The following AEBP2 variants were observed in gnomAD, a reference collection of about 807,000 sequenced individuals.
AEBP2 encodes the protein AE binding protein 2, also known as zinc finger protein AEBP2.
A neutral mutation model predicts 50.8 loss-of-function variants in AEBP2; 10 were observed. The ratio of observed to expected loss-of-function variants is 0.20; its 90% CI spans 0.12 to 0.33. The LOEUF (loss-of-function observed/expected upper bound fraction) is 0.33. AEBP2 is among the 10% of genes least tolerant of loss of function. The pLI, the probability that AEBP2 is intolerant of heterozygous loss-of-function variation, is 1.00. For synonymous variants in AEBP2, 296 were observed against 261.3 expected, an observed-to-expected ratio of 1.13 and a Z score of -1.28; for missense variants, 570 against 688.0, an observed-to-expected ratio of 0.83 and a Z score of 1.92.
intron 1 of AEBP2, among the ~76,000 whole-genome samples, chr12:19,409,541 G>T (rs2095738180): frequency 1.3e-5 from 2 of 152,188 alleles, no homozygotes; most frequent in Admixed American, 6.6e-5. Flanking sequence ...GATTTGTTCA[G>T]CAAGGGAAGA....
At chr12:19,490,027 G>T (rs1419208894) in intron 3 of AEBP2, among the ~76,000 whole-genome samples, 2 of 138,730 alleles carry the variant, frequency 1.4e-5, no homozygotes, top group African/African-American at 5.4e-5. Flanking sequence ...CATGGGGGAG[G>T]TTAGAGATGG....
chr12:19,463,978 A>G (rs1224243277), intron 2 of AEBP2, among the ~76,000 whole-genome samples: 1 of 152,116 alleles, frequency 6.6e-6, no homozygotes. Flanking sequence ...AATTTCTTTT[A>G]AGACATATTC....
chr12:19,505,135 G>A (rs1949136488), intron 5 of AEBP2, among the ~76,000 whole-genome samples: 1 of 152,222 alleles, frequency 6.6e-6, no homozygotes, highest in African/African-American at 2.4e-5. Flanking sequence ...TGGGGACTTT[G>A]TGGGGATTCA....
chr12:19,439,825 G>A lies in AEBP2; in HGVS notation c.126G>A (p.Glu42=). Residue 42 remains glutamate, a synonymous_variant, in exon 1 of 8, where the codon GAG becomes GAA. Transcript: ENST00000266508. ...RAEPPEEEEE[E]EEEEEEAEAE... is the part of the protein sequence containing the mutation. The stretch of plus-strand genomic sequence containing the variant: ...AGCCCCCCGAGGAGGAGGAGGAAGA[G>A]GAGGAGGAGGAAGAGGAGGCGGAGG... The A allele has an allele frequency of 1.3e-6, 2 of 1,499,562 alleles. No homozygotes were observed. Among genetic ancestry groups the A allele is most frequent in the Non-Finnish European group, 1.8e-6 (2 of 1,132,082 alleles). The allele number at this position is 1,499,562 out of a possible 1,614,324, so 92.9% of individuals were successfully genotyped here. A position where few individuals can be genotyped will look rare whatever the true frequency, so the allele number is the denominator to read the frequency against.
At chr12:19,425,419 G>T (rs567991338) in intron 1 of AEBP2, among the ~76,000 whole-genome samples, 1 of 152,046 alleles carries the variant, frequency 6.6e-6, no homozygotes, top group Non-Finnish European at 1.5e-5. Context: ...GGCCAGGCAC[G>T]GTGGCTCATG....
At chr12:19,452,358 C>T (rs1487207291) in intron 1 of AEBP2, among the ~76,000 whole-genome samples, 1 of 152,172 alleles carries the variant, frequency 6.6e-6, no homozygotes, top group Non-Finnish European at 1.5e-5. Flanking sequence ...GGATATATAG[C>T]AAATGCTGTG....
chr12:19,498,279 T>A (rs1565732125), intron 4 of AEBP2, among the ~76,000 whole-genome samples: 1 of 152,210 alleles, frequency 6.6e-6, no homozygotes, highest in South Asian at 2.1e-4. Flanking sequence ...GATGTATTTC[T>A]CAGAACTCTC....
chr12:19,432,658 C>T (rs921070484), intron 1 of AEBP2, among the ~76,000 whole-genome samples: 4 of 152,010 alleles, frequency 2.6e-5, no homozygotes, highest in African/African-American at 7.2e-5. Flanking sequence ...TGCGTCACTG[C>T]ACTCCAGCCT....
intron 1 of AEBP2, among the ~76,000 whole-genome samples, chr12:19,410,492 G>A (rs939436334): frequency 6.6e-6 from 1 of 152,160 alleles, no homozygotes; most frequent in Admixed American, 6.6e-5. Flanking sequence ...ATTGCGTCTG[G>A]CCCTTTATAG....
At chr12:19,513,941 A>C (rs935822383) in intron 6 of AEBP2, among the ~76,000 whole-genome samples, 42 of 70,606 alleles carry the variant, frequency 5.9e-4, no homozygotes, top group Admixed American at 1.4e-3. Context: ...GTTTTTATTT[A>C]TTTCTTTTTT....
At chr12:19,512,775 C>T (rs1004243367) in intron 6 of AEBP2, among the ~76,000 whole-genome samples, 2 of 151,880 alleles carry the variant, frequency 1.3e-5, no homozygotes, top group African/African-American at 4.8e-5. Flanking sequence ...TGGTAAAACC[C>T]TGTCTCTACT....
chr12:19,496,042 C>CT (rs1430819372), intron 4 of AEBP2, among the ~76,000 whole-genome samples: 1 of 152,106 alleles, frequency 6.6e-6, no homozygotes, highest in Non-Finnish European at 1.5e-5. Context: ...AACCAGATGA[C>CT]TTTTCCACCA....
intron 4 of AEBP2, among the ~76,000 whole-genome samples, chr12:19,497,324 A>T (rs1457927079): frequency 2.0e-5 from 2 of 100,738 alleles, no homozygotes; most frequent in East Asian, 3.9e-4. Flanking sequence ...TGGTTTCCAA[A>T]GGTGTTTTTT....
intron 1 of AEBP2, among the ~76,000 whole-genome samples, chr12:19,413,894 T>G (rs1219659296): frequency 6.6e-6 from 1 of 151,598 alleles, no homozygotes; most frequent in Non-Finnish European, 1.5e-5. Flanking sequence ...TGTTTGTTTT[T>G]GTTTTTTGTT....
At chr12:19,486,451 G>T (rs776100028) in intron 3 of AEBP2, among the ~76,000 whole-genome samples, 1 of 151,958 alleles carries the variant, frequency 6.6e-6, no homozygotes, top group Non-Finnish European at 1.5e-5. Context: ...GAGTACAGTG[G>T]CCTGATCTCT....
At chr12:19,417,449 C>T (rs184080165) in intron 1 of AEBP2, among the ~76,000 whole-genome samples, 1 of 151,972 alleles carries the variant, frequency 6.6e-6, no homozygotes, top group Non-Finnish European at 1.5e-5. Flanking sequence ...CTCTGTCACC[C>T]AGGCTGGAGT....
At chr12:19,457,256 T>C in intron 1 of AEBP2, 2 of 1,593,068 alleles carry the variant, frequency 1.3e-6, no homozygotes, top group South Asian at 1.1e-5. Context: ...TTCTTGGAGA[T>C]ACCAGCTTCA....
At chr12:19,405,264 A>G (rs755338637) in intron 1 of AEBP2, among the ~76,000 whole-genome samples, 10 of 151,918 alleles carry the variant, frequency 6.6e-5, no homozygotes, top group Non-Finnish European at 8.8e-5. Flanking sequence ...CTTCTTGCTT[A>G]TCAAATTGCT....
At chr12:19,426,474 T>G (rs542988573) in intron 1 of AEBP2, among the ~76,000 whole-genome samples, 45 of 152,318 alleles carry the variant, frequency 3.0e-4, no homozygotes, top group African/African-American at 1.1e-3. Context: ...GTTAATTAAC[T>G]GGGTGTAAGA....
Sources: gnomAD v4.1 joint callset for allele counts (sites outside exome capture counted in the v4.1 genomes callset) on GRCh38, gnomAD v4.1.1 for gene constraint, MANE v1.5 for transcripts, NCBI Gene and HGNC (gene_info 2026-07-23, HGNC 2026-07-21) for gene names.